ADIPOQ: variants seen among roughly 807,000 people sequenced by gnomAD.
The protein encoded by ADIPOQ is adiponectin.
A neutral mutation model predicts 16.1 loss-of-function variants in ADIPOQ; 19 were observed. The ratio of observed to expected loss-of-function variants is 1.18; its 90% CI spans 0.82 to 1.73. The LOEUF (loss-of-function observed/expected upper bound fraction) is 1.73, where lower values mean the gene tolerates loss of function less well. Ranked by LOEUF, ADIPOQ falls within the 40% of genes most tolerant of loss-of-function variation. The pLI, the probability that ADIPOQ is intolerant of heterozygous loss-of-function variation, is 0.00. For synonymous variants in ADIPOQ, 124 were observed against 125.5 expected (o/e 0.99, Z 0.08); for missense variants, 323 against 308.3 (o/e 1.05, Z -0.36).
At chr3:186,844,455 A>C (rs1396305146) in intron 1 of ADIPOQ, among the ~76,000 whole-genome samples, 1 of 149,814 alleles carries the variant, frequency 6.7e-6, no homozygotes, top group East Asian at 2.0e-4. Context: ...GAGGAGTCTT[A>C]AGCTGAGATC....
At position 186,857,819 on chromosome 3, in the gene ADIPOQ, CCTT is replaced by C. The variant is rs1712063934; in HGVS notation, c.*3119_*3121del. The C allele has an allele frequency of 1.3e-5, 2 of 151,966 alleles. No homozygotes were observed. Among genetic ancestry groups the C allele is most frequent in the South Asian group, 2.1e-4 (1 of 4,816 alleles). 9.4% of individuals were successfully genotyped at this position (151,966 alleles called of 1,614,324 possible). A position where few individuals can be genotyped will look rare whatever the true frequency, so the allele number is the denominator to read the frequency against. ...TTACTCTCTTATCATTATGTAATGT[CCTT>C]CTTTATCTGTGATAATTTTCTGTGT... On this transcript the variant is annotated 3_prime_UTR_variant, in exon 3 of 3. Coordinates refer to ENST00000320741, the MANE Select transcript of ADIPOQ (RefSeq NM_004797.4).
chr3:186,857,362 A>G lies in ADIPOQ; in HGVS notation c.*2658A>G, dbSNP rs1187142661. The G allele has an allele frequency of 6.6e-6, 1 of 152,234 alleles. No individual in the cohort carries two copies. Among genetic ancestry groups the G allele is most frequent in the Non-Finnish European group, 1.5e-5 (1 of 68,046 alleles). The allele number at this position is 152,234 out of a possible 1,614,324, so 9.4% of individuals were successfully genotyped here. A position where few individuals can be genotyped will look rare whatever the true frequency, so the allele number is the denominator to read the frequency against. On this transcript the variant is annotated 3_prime_UTR_variant, in exon 3 of 3. Coordinates refer to ENST00000320741, the MANE Select transcript of ADIPOQ (RefSeq NM_004797.4). ...AAATAGGAGAGTGGATGATAGATGC[A>G]AAATAATACCTGTCCACAACAAACT...
At chr3:186,844,636 C>T (rs1047514578) in intron 1 of ADIPOQ, among the ~76,000 whole-genome samples, 1 of 152,054 alleles carries the variant, frequency 6.6e-6, no homozygotes, top group African/African-American at 2.4e-5. Context: ...CTCGATTTCC[C>T]AGGCTCAAGT....
intron 1 of ADIPOQ, among the ~76,000 whole-genome samples, chr3:186,844,250 C>T (rs557039317): frequency 3.9e-5 from 6 of 152,120 alleles, no homozygotes; most frequent in South Asian, 2.1e-4. Flanking sequence ...CAGGTTCAAG[C>T]GATTCTCCTG....
At chr3:186,843,554 G>A (rs1215312653) in intron 1 of ADIPOQ, among the ~76,000 whole-genome samples, 1 of 151,954 alleles carries the variant, frequency 6.6e-6, no homozygotes, top group African/African-American at 2.4e-5. Flanking sequence ...CAGCTTCTCG[G>A]GAGGCTGAGG....
At chr3:186,843,539 A>C (rs1034342750) in intron 1 of ADIPOQ, among the ~76,000 whole-genome samples, 5 of 152,178 alleles carry the variant, frequency 3.3e-5, no homozygotes, top group African/African-American at 1.2e-4. Flanking sequence ...AGGTGCCTGT[A>C]ATCCCAGCTT....
rs1212028715 is a variant in ADIPOQ, at chr3:186,856,173, A to C, written c.*1469A>C. The stretch of plus-strand genomic sequence containing the variant: ...AGCCATTGTCTCCTTGAGTACCAAC[A>C]GGGTCAGGGAAGACTGGGCCTCCTG... On this transcript the variant is annotated 3_prime_UTR_variant, in exon 3 of 3. Coordinates refer to ENST00000320741, the MANE Select transcript of ADIPOQ (RefSeq NM_004797.4). 1 of 152,198 alleles carries C rather than the reference A, an allele frequency of 6.6e-6. No individual in the cohort carries two copies. The highest frequency in any genetic ancestry group is 2.4e-5 in the African/African-American group (1 of 41,458). 9.4% of individuals were successfully genotyped at this position (152,198 alleles called of 1,614,324 possible).
Position 186,854,610 on chromosome 3 carries a change from A to G in ADIPOQ, c.641A>G (p.Gln214Arg), listed in dbSNP as rs1442217542. Residue 214 changes from glutamine to arginine, a missense_variant, in exon 3 of 3, where the codon CAG becomes CGG. By Grantham distance (43) the Gln-to-Arg change is conservative. Coordinates refer to ENST00000320741, the MANE Select transcript of ADIPOQ (RefSeq NM_004797.4). ...GAGGTGGGCGACCAAGTCTGGCTCC[A>G]GGTGTATGGGGAAGGAGAGCGTAAT... ...HLEVGDQVWL[Q>R]VYGEGERNGL... The G allele has an allele frequency of 6.2e-7, 1 of 1,614,116 alleles. No individual in the cohort carries two copies. Among genetic ancestry groups the G allele is most frequent in the South Asian group, 1.1e-5 (1 of 91,066 alleles).
At chr3:186,853,364 G>A in intron 2 of ADIPOQ, 92 bp downstream of exon 2, 2 of 1,456,852 alleles carry the variant, frequency 1.4e-6, no homozygotes, top group Non-Finnish European at 1.9e-6. Flanking sequence ...CCTAGACACA[G>A]GGAGAAAGCA....
intron 1 of ADIPOQ, among the ~76,000 whole-genome samples, chr3:186,843,986 G>A (rs2108487151): frequency 6.6e-6 from 1 of 152,300 alleles, no homozygotes; most frequent in African/African-American, 2.4e-5. Context: ...GCCTCACAAG[G>A]GGTGGCACCA....
In ADIPOQ at chr3:186,854,706, C is replaced by A; in HGVS notation, c.*2C>A. The A allele has an allele frequency of 6.2e-7, 1 of 1,614,000 alleles. No homozygotes were observed. Among genetic ancestry groups the A allele is most frequent in the South Asian group, 1.1e-5 (1 of 91,032 alleles). On this transcript the variant is annotated 3_prime_UTR_variant, in exon 3 of 3. Coordinates refer to ENST00000320741, the MANE Select transcript of ADIPOQ (RefSeq NM_004797.4). ...CTTCTCTACCATGACACCAACTGATCACCACTAACTCAGAGCCTCCTCCAG... is the reference window on the plus strand; with the variant it reads ...CTTCTCTACCATGACACCAACTGATAACCACTAACTCAGAGCCTCCTCCAG...
At position 186,853,102 on chromosome 3, in the gene ADIPOQ, G is replaced by C. The variant is rs1711842345; in HGVS notation, c.44G>C (p.Gly15Ala). The C allele has an allele frequency of 6.2e-7, 1 of 1,614,062 alleles. No homozygotes were observed. The highest frequency in any genetic ancestry group is 8.5e-7 in the Non-Finnish European group (1 of 1,180,028). ...GTTCTACTGCTATTAGCTCTGCCCG[G>C]TCATGACCAGGAAACCACGACTCAA... is the stretch of plus-strand genomic sequence containing the variant. Reference protein sequence around the residue: ...GAVLLLLALPGHDQETTTQGP... With the variant: ...GAVLLLLALPAHDQETTTQGP... The change falls in exon 2 of 3, where the codon GGT becomes GCT. Residue 15 changes from glycine (G) to alanine (A), a missense_variant. By Grantham distance (60) the Gly-to-Ala change is moderately conservative. Transcript: ENST00000320741.
At position 186,858,074 on chromosome 3, in the gene ADIPOQ, C is replaced by G. The variant is rs901370631; in HGVS notation, c.*3370C>G. 48 of 151,930 alleles carry G rather than the reference C, an allele frequency of 3.2e-4. No individual in the cohort carries two copies. The highest frequency in any genetic ancestry group is 2.7e-3 in the Admixed American group (41 of 15,224). 9.4% of individuals were successfully genotyped at this position (151,930 alleles called of 1,614,324 possible). Reference sequence around the variant, plus strand: ...GGCTCACTGCTACCTCTACCATGAGCAATTCTCCTGCCTCAGCCTCCCAAG... The same window carrying G: ...GGCTCACTGCTACCTCTACCATGAGGAATTCTCCTGCCTCAGCCTCCCAAG... On this transcript the variant is annotated 3_prime_UTR_variant, in exon 3 of 3. Coordinates refer to ENST00000320741, the MANE Select transcript of ADIPOQ (RefSeq NM_004797.4).
chr3:186,853,938 G>T, intron 2 of ADIPOQ: 1 of 429,024 alleles, frequency 2.3e-6, no homozygotes. Context: ...GGCTGGCAGG[G>T]TGGAGGGTCT....
chr3:186,853,584 C>T (rs1711867910), intron 2 of ADIPOQ, among the ~76,000 whole-genome samples: 1 of 152,126 alleles, frequency 6.6e-6, no homozygotes, highest in African/African-American at 2.4e-5. Context: ...TCCATTTCAC[C>T]CAGTGGCATT....
chr3:186,845,094 G>A lies in ADIPOQ; in HGVS notation c.-9+2345G>A, dbSNP rs559833023. The stretch of plus-strand genomic sequence containing the variant: ...TGCGCGCGCGCACACTCATTTGGAT[G>A]GGTGTGTATGTGTGGGGGGGGGTGG... On this transcript the variant is annotated intron_variant, in intron 1 of 2. Coordinates refer to ENST00000320741, the MANE Select transcript of ADIPOQ (RefSeq NM_004797.4). 2.0e-5 allele frequency among the ~76,000 whole-genome samples: 3 copies of A among 151,980 alleles called. No individual in the cohort carries two copies. In the East Asian group the frequency reaches 5.8e-4, roughly 30 times the overall value.
intron 1 of ADIPOQ, among the ~76,000 whole-genome samples, chr3:186,849,896 A>G (rs1459128760): frequency 6.9e-6 from 1 of 145,714 alleles, no homozygotes; most frequent in East Asian, 1.9e-4. Flanking sequence ...GTGAAATTTT[A>G]ACTATATCAA....
rs138700575 is a variant in ADIPOQ at position 186,851,564 on chromosome 3, C to T, written c.-8-1487C>T. ...GTGCCACTTGAGCTCTTTGCTAGGG[C>T]TCCAGAATACATATTTCAAATACAT... On this transcript the variant is annotated intron_variant, in intron 1 of 2. Transcript: ENST00000320741. Among the ~76,000 whole-genome samples, 88 of 152,216 alleles carry T rather than the reference C, an allele frequency of 5.8e-4. 1 individual carries two copies. Among genetic ancestry groups the T allele is most frequent in the African/African-American group, 2.1e-3 (86 of 41,546 alleles).
At chr3:186,852,716 G>A (rs1035387062) in intron 1 of ADIPOQ, 1 of 282,452 alleles carries the variant, frequency 3.5e-6, no homozygotes, top group Non-Finnish European at 6.7e-6. Flanking sequence ...TGGATTCTTG[G>A]CAAGTCGACT....
Sources: gnomAD v4.1 joint callset for allele counts (sites outside exome capture counted in the v4.1 genomes callset) on GRCh38, gnomAD v4.1.1 for gene constraint, MANE v1.5 for transcripts, NCBI Gene and HGNC (gene_info 2026-07-23, HGNC 2026-07-21) for gene names.